ATAD2B: variants seen among roughly 807,000 people sequenced by gnomAD.
ATAD2B encodes ATPase family AAA domain containing 2B.
A neutral mutation model predicts 167.6 loss-of-function variants in ATAD2B; 40 were observed. The ratio of observed to expected loss-of-function variants is 0.24; its 90% CI spans 0.19 to 0.31. The LOEUF is 0.31. Among genes scored for constraint, ATAD2B ranks in the 10% least tolerant of loss-of-function variants. ATAD2B has a pLI of 1.00. For missense variants in ATAD2B, 1,242 were observed against 1,757.2 expected (o/e 0.71, Z 5.24); for synonymous variants, 579 against 596.5 (o/e 0.97, Z 0.43).
At chr2:23,776,913 TCTC>T (rs1679230395) in intron 22 of ATAD2B, among the ~76,000 whole-genome samples, 1 of 152,212 alleles carries the variant, frequency 6.6e-6, no homozygotes, top group African/African-American at 2.4e-5. Flanking sequence ...CTGAAATGCA[TCTC>T]CTCTAAATTT....
the ATAD2B span, chr2:23,696,969 C>CG: frequency 3.7e-5 from 6 of 161,418 alleles, no homozygotes; most frequent in South Asian, 1.7e-4. The surrounding 1 kb of genome is among the most constrained non-coding windows in gnomAD (Gnocchi z 5.5). Flanking sequence ...TCCTGCCAAG[C>CG]GGGGGGTCCC....
intron 6 of ATAD2B, among the ~76,000 whole-genome samples, chr2:23,881,048 C>T (rs963557190): frequency 6.6e-6 from 1 of 152,118 alleles, no homozygotes; most frequent in Non-Finnish European, 1.5e-5. Flanking sequence ...TCATACAATG[C>T]AATAATAGAA....
intron 23 of ATAD2B, among the ~76,000 whole-genome samples, chr2:23,764,684 GCTCT>G (rs1192021413): frequency 1.3e-5 from 2 of 152,138 alleles, no homozygotes; most frequent in African/African-American, 4.8e-5. Flanking sequence ...TCAGGGAAGA[GCTCT>G]CTAAAAAGGT....
intron 2 of ATAD2B, among the ~76,000 whole-genome samples, chr2:23,893,972 T>G (rs1381943189): frequency 6.6e-6 from 1 of 152,064 alleles, no homozygotes; most frequent in Non-Finnish European, 1.5e-5. Context: ...CTCAAAAATC[T>G]TTTTAAATTG....
intron 1 of ATAD2B, among the ~76,000 whole-genome samples, chr2:23,908,115 G>C (rs1701754041): frequency 6.6e-6 from 1 of 152,126 alleles, no homozygotes; most frequent in South Asian, 2.1e-4. Context: ...AAAAGCAATG[G>C]CAACAAAAGA....
intron 13 of ATAD2B, among the ~76,000 whole-genome samples, chr2:23,849,329 A>C (rs1489059693): frequency 6.6e-6 from 1 of 152,248 alleles, no homozygotes; most frequent in East Asian, 1.9e-4. Flanking sequence ...TTCAAAATTA[A>C]GTGTATTACA....
chr2:23,797,889 T>C (rs1030258307), intron 19 of ATAD2B, among the ~76,000 whole-genome samples: 1 of 152,146 alleles, frequency 6.6e-6, no homozygotes, highest in African/African-American at 2.4e-5. Flanking sequence ...TCTGTATATA[T>C]ATAATTCAGG....
At chr2:23,754,824 AC>A (rs778951848) in intron 25 of ATAD2B, 50 bp from the exon 26 acceptor site, 2 of 1,570,242 alleles carry the variant, frequency 1.3e-6, no homozygotes, top group East Asian at 4.5e-5. Context: ...GTTAAGAAAA[AC>A]CAGTCTTAAG....
downstream of ATAD2B, among the ~76,000 whole-genome samples, chr2:23,745,132 C>T (rs1393087742): frequency 2.6e-5 from 4 of 152,006 alleles, no homozygotes; most frequent in South Asian, 2.1e-4. Flanking sequence ...ACAAAAAGTA[C>T]AAAAATTAGC....
chr2:23,922,485 A>G (rs1278837638), intron 1 of ATAD2B, among the ~76,000 whole-genome samples: 4 of 100,794 alleles, frequency 4.0e-5, no homozygotes, highest in Non-Finnish European at 4.5e-5. Context: ...ATAAGAGAGG[A>G]AAAAAAAATA....
rs1444616495 is a variant in ATAD2B, at chr2:23,754,198, T to C, written c.4316A>G (p.Asp1439Gly). The change falls in exon 27 of 28, where the codon GAC becomes GGC. Residue 1439 changes from aspartate to glycine, a missense_variant. This residue lies in a region of ATAD2B where 282 missense variants were observed against 346.8 expected (regional missense o/e 0.81). Coordinates refer to ENST00000238789, the MANE Select transcript of ATAD2B (RefSeq NM_017552.4). ...QCIYRHRKDY[D>G]KSQLVEEMER... ...ACTTACCTCTACAAGTTGTGATTTGTCATAATCTTTACGATGACGGTAGAT... is the reference window on the plus strand; with the variant it reads ...ACTTACCTCTACAAGTTGTGATTTGCCATAATCTTTACGATGACGGTAGAT... 1.9e-6 allele frequency: 3 copies of C among 1,546,982 alleles called. No homozygotes were observed. The highest frequency in any genetic ancestry group is 1.4e-5 in the African/African-American group (1 of 72,760).
chr2:23,742,030 C>T, the ATAD2B span, among the ~76,000 whole-genome samples: 4 of 152,050 alleles, frequency 2.6e-5, no homozygotes, highest in Non-Finnish European at 4.4e-5. Context: ...GTTGGAATGG[C>T]AATCATTAAA....
At chr2:23,872,867 GC>G in intron 8 of ATAD2B, 2 of 890,598 alleles carry the variant, frequency 2.2e-6, no homozygotes, top group Non-Finnish European at 1.9e-6. Context: ...CTCATAGCCA[GC>G]CATCTCACAG....
At chr2:23,731,381 T>A in the ATAD2B span, among the ~76,000 whole-genome samples, 2 of 152,240 alleles carry the variant, frequency 1.3e-5, no homozygotes, top group African/African-American at 4.8e-5. Context: ...GAACTCACCA[T>A]TCTGCAGGCT....
At chr2:23,782,597 A>G (rs1418330781) in intron 22 of ATAD2B, among the ~76,000 whole-genome samples, 1 of 152,254 alleles carries the variant, frequency 6.6e-6, no homozygotes, top group Non-Finnish European at 1.5e-5. Context: ...GTTGACTAAT[A>G]TATTTTCAAT....
downstream of ATAD2B, among the ~76,000 whole-genome samples, chr2:23,745,432 G>GAA (rs1674820759): frequency 8.8e-6 from 1 of 113,068 alleles, no homozygotes. Context: ...AAAGGGAAGG[G>GAA]AAGGGAAGGG....
intron 8 of ATAD2B, among the ~76,000 whole-genome samples, chr2:23,874,363 C>A (rs543245319): frequency 6.6e-6 from 1 of 152,070 alleles, no homozygotes; most frequent in Admixed American, 6.6e-5. Context: ...GCAATGGATT[C>A]TAAGATATAA....
intron 13 of ATAD2B, among the ~76,000 whole-genome samples, chr2:23,851,311 T>C (rs1410843052): frequency 6.6e-6 from 1 of 152,064 alleles, no homozygotes; most frequent in African/African-American, 2.4e-5. Context: ...CAACTAATTT[T>C]TGTACTTTTA....
chr2:23,868,966 C>T (rs1451894358), intron 9 of ATAD2B, among the ~76,000 whole-genome samples: 2 of 152,084 alleles, frequency 1.3e-5, no homozygotes, highest in Non-Finnish European at 2.9e-5. Context: ...AGGCATTAAA[C>T]GCTTTTATTT....
Sources: allele counts gnomAD v4.1 joint callset (sites outside exome capture counted in the v4.1 genomes callset), GRCh38; gene constraint gnomAD v4.1.1; regional missense constraint gnomAD v4.1.1; non-coding constraint Gnocchi (gnomAD v3.1); transcripts MANE v1.5; gene names NCBI Gene and HGNC (gene_info 2026-07-23, HGNC 2026-07-21).